The following SPOCK1 variants were observed in gnomAD, a reference collection of about 807,000 sequenced individuals.
The protein encoded by SPOCK1 is SPARC (osteonectin), cwcv and kazal like domains proteoglycan 1, also known as testican-1.
A neutral mutation model predicts 55.3 loss-of-function variants in SPOCK1; 23 were observed. That is an observed-to-expected ratio of 0.42 (90% CI 0.30 to 0.59). The LOEUF is 0.59. Ranked by LOEUF, SPOCK1 falls within the 20% of genes least tolerant of loss-of-function variation. The pLI, the probability that SPOCK1 is intolerant of heterozygous loss-of-function variation, is 0.22. For synonymous variants in SPOCK1, 226 were observed against 221.0 expected (o/e 1.02, Z -0.20); for missense variants, 499 against 552.5 (o/e 0.90, Z 0.97).
chr5:137,277,991 C>G (rs1757101190), intron 2 of SPOCK1, among the ~76,000 whole-genome samples: 1 of 152,186 alleles, frequency 6.6e-6, no homozygotes, highest in South Asian at 2.1e-4. Context: ...ACACCAACAT[C>G]CAAGCACCAT....
intron 6 of SPOCK1, among the ~76,000 whole-genome samples, chr5:137,055,138 A>G (rs1752276559): frequency 6.6e-6 from 1 of 152,186 alleles, no homozygotes; most frequent in Non-Finnish European, 1.5e-5. Context: ...GCTCGACACA[A>G]TTATTACCCT....
chr5:137,433,575 C>T (rs1242375513), intron 2 of SPOCK1, among the ~76,000 whole-genome samples: 2 of 152,164 alleles, frequency 1.3e-5, no homozygotes, highest in Admixed American at 1.3e-4. Context: ...TTTCATGTCA[C>T]TATTGTCTAG....
intron 2 of SPOCK1, among the ~76,000 whole-genome samples, chr5:137,331,000 A>G (rs1431201963): frequency 6.6e-6 from 1 of 152,248 alleles, no homozygotes; most frequent in Non-Finnish European, 1.5e-5. Flanking sequence ...ATGACTTTCC[A>G]AAAGCCATGT....
At chr5:137,134,859 C>G (rs191811089) in intron 4 of SPOCK1, among the ~76,000 whole-genome samples, 1 of 152,260 alleles carries the variant, frequency 6.6e-6, no homozygotes, top group Non-Finnish European at 1.5e-5. Context: ...GTACTTCTCT[C>G]TGACCTCGAA....
chr5:137,427,209 C>A (rs1165670102), intron 2 of SPOCK1, among the ~76,000 whole-genome samples: 1 of 152,190 alleles, frequency 6.6e-6, no homozygotes, highest in Non-Finnish European at 1.5e-5. Flanking sequence ...CCCCAACCCA[C>A]TGAGGTGCTG....
At chr5:137,348,058 T>A (rs573112551) in intron 2 of SPOCK1, among the ~76,000 whole-genome samples, 1 of 152,294 alleles carries the variant, frequency 6.6e-6, no homozygotes, top group South Asian at 2.1e-4. Context: ...CCACACCTGG[T>A]GTACACAGAC....
At position 137,277,664 on chromosome 5, in the gene SPOCK1, A is replaced by G. The variant is rs561094806; in HGVS notation, c.187-10609T>C. On this transcript the variant is annotated intron_variant, in intron 2 of 10. Transcript: ENST00000394945. ...TTATATCTGAAGCCTCAGCTTTCCT[A>G]TCTGTGAAATAGGGGATGAAAACAC... Among the ~76,000 whole-genome samples, 4 of 152,276 alleles carry G rather than the reference A, an allele frequency of 2.6e-5. No individual in the cohort carries two copies. The East Asian group carries it at 5.8e-4, about 22-fold the overall frequency.
At chr5:137,007,535 A>G (rs1408249391) in intron 6 of SPOCK1, among the ~76,000 whole-genome samples, 1 of 152,238 alleles carries the variant, frequency 6.6e-6, no homozygotes, top group Non-Finnish European at 1.5e-5. Context: ...CAACATATGA[A>G]AAAAGCTCAT....
At chr5:137,012,138 G>A (rs961369937) in intron 6 of SPOCK1, among the ~76,000 whole-genome samples, 12 of 152,080 alleles carry the variant, frequency 7.9e-5, no homozygotes, top group African/African-American at 1.9e-4. Context: ...CTCAGCACAC[G>A]AACGTTCTGT....
intron 6 of SPOCK1, among the ~76,000 whole-genome samples, chr5:137,056,070 C>T (rs551343336): frequency 1.1e-3 from 169 of 152,322 alleles, no homozygotes; most frequent in Non-Finnish European, 1.9e-3. Context: ...TCCTCAGTTA[C>T]TTCATTCCAC....
chr5:137,295,941 TC>T (rs2127133732), intron 2 of SPOCK1, among the ~76,000 whole-genome samples: 1 of 152,292 alleles, frequency 6.6e-6, no homozygotes, highest in East Asian at 1.9e-4. Context: ...TGTTTGTGTC[TC>T]CCCCAGATTT....
At chr5:137,122,512 T>C (rs1369644801) in intron 4 of SPOCK1, among the ~76,000 whole-genome samples, 1 of 152,248 alleles carries the variant, frequency 6.6e-6, no homozygotes, top group African/African-American at 2.4e-5. Context: ...GTTTGATTTA[T>C]TGTTTTGCTA....
At chr5:137,179,570 A>G (rs752863745) in intron 3 of SPOCK1, among the ~76,000 whole-genome samples, 37 of 151,988 alleles carry the variant, frequency 2.4e-4, no homozygotes, top group Admixed American at 6.6e-5. Flanking sequence ...TTGTTTAACC[A>G]CCTTTTTGAC....
chr5:137,479,015 G>A (rs561576847), intron 2 of SPOCK1, among the ~76,000 whole-genome samples: 37 of 151,880 alleles, frequency 2.4e-4, no homozygotes, highest in Admixed American at 1.6e-3. Context: ...GGGAGAAGGC[G>A]GTGGTCACCA....
intron 6 of SPOCK1, among the ~76,000 whole-genome samples, chr5:137,036,771 A>G (rs1751893360): frequency 6.6e-6 from 1 of 152,198 alleles, no homozygotes; most frequent in African/African-American, 2.4e-5. Flanking sequence ...TGCCCTGAGC[A>G]CTGCCCCCAG....
At chr5:136,983,969 C>G (rs1190120743) in intron 9 of SPOCK1, among the ~76,000 whole-genome samples, 2 of 152,168 alleles carry the variant, frequency 1.3e-5, no homozygotes, top group African/African-American at 4.8e-5. Context: ...CAGCAATGTA[C>G]TAATTCTACA....
chr5:137,362,509 T>C (rs964443598), intron 2 of SPOCK1, among the ~76,000 whole-genome samples: 1 of 151,672 alleles, frequency 6.6e-6, no homozygotes, highest in Non-Finnish European at 1.5e-5. Flanking sequence ...TCTTTTTTTT[T>C]AGTAGAGACA....
At position 137,389,843 on chromosome 5, in the gene SPOCK1, G is replaced by T. The variant is rs184713825; in HGVS notation, c.186+108530C>A. 1.4e-3 allele frequency among the ~76,000 whole-genome samples: 208 copies of T among 152,310 alleles called. 1 individual carries two copies. Among genetic ancestry groups the T allele is most frequent in the African/African-American group, 4.8e-3 (198 of 41,572 alleles). ...CATACAGGTTTCAGACATGCTTGAT[G>T]GCATTTTATGGGGAAAATCCTAGGC... On this transcript the variant is annotated intron_variant, in intron 2 of 10. Coordinates refer to ENST00000394945, the MANE Select transcript of SPOCK1 (RefSeq NM_004598.4).
chr5:137,111,965 AT>A (rs1753484417), intron 5 of SPOCK1, among the ~76,000 whole-genome samples: 1 of 151,974 alleles, frequency 6.6e-6, no homozygotes, highest in Non-Finnish European at 1.5e-5. Context: ...ACAGTGCCTT[AT>A]TTGGGGCCTG....
Sources: gnomAD v4.1 joint callset for allele counts (sites outside exome capture counted in the v4.1 genomes callset) on GRCh38, gnomAD v4.1.1 for gene constraint, MANE v1.5 for transcripts, NCBI Gene and HGNC (gene_info 2026-07-23, HGNC 2026-07-21) for gene names.